The following AGBL4 variants were observed in gnomAD, a reference collection of about 807,000 sequenced individuals.
AGBL4 encodes the protein cytosolic carboxypeptidase 6.
Under a neutral mutation model 66.4 loss-of-function variants are expected in AGBL4, and 58 were observed. The ratio of observed to expected loss-of-function variants is 0.87; its 90% CI spans 0.71 to 1.09. The LOEUF is 1.09. Ranked by LOEUF, AGBL4 falls within the 50% of genes least tolerant of loss-of-function variation. The probability of loss-of-function intolerance (pLI) is 0.00; values close to 1 mark genes in which losing one functional copy is unlikely to be tolerated. For missense variants in AGBL4, 579 were observed against 631.0 expected (o/e 0.92, Z 0.88); for synonymous variants, 234 against 222.9 (o/e 1.05, Z -0.44).
intron 1 of AGBL4, among the ~76,000 whole-genome samples, chr1:49,918,827 A>G (rs1290210579): frequency 1.3e-5 from 2 of 152,224 alleles, no homozygotes; most frequent in Non-Finnish European, 2.9e-5. Context: ...CGATGCAAAA[A>G]TCCTCAATAA....
At chr1:49,216,285 C>T (rs1649082442) in intron 4 of AGBL4, among the ~76,000 whole-genome samples, 1 of 152,080 alleles carries the variant, frequency 6.6e-6, no homozygotes, top group Admixed American at 6.6e-5. Flanking sequence ...AACTTTTAGA[C>T]TCAGAGGGTT....
chr1:49,867,936 T>G (rs1269092323), intron 1 of AGBL4, among the ~76,000 whole-genome samples: 1 of 152,166 alleles, frequency 6.6e-6, no homozygotes, highest in East Asian at 1.9e-4. Flanking sequence ...GCAAGCTGGA[T>G]AGACTCAAGA....
At chr1:49,778,593 T>C (rs985402623) in intron 2 of AGBL4, among the ~76,000 whole-genome samples, 2 of 152,158 alleles carry the variant, frequency 1.3e-5, no homozygotes. Context: ...GGAAGTGTTT[T>C]ATAAGAGTAA....
At chr1:49,723,649 A>G (rs6660206) in intron 2 of AGBL4, among the ~76,000 whole-genome samples, 12,370 of 152,168 alleles carry the variant, frequency 0.081, 709 homozygotes, top group African/African-American at 0.17. Flanking sequence ...CAGTTTTTCC[A>G]AGATTATTTT....
intron 3 of AGBL4, among the ~76,000 whole-genome samples, chr1:49,271,388 T>TA (rs988014191): frequency 4.0e-5 from 6 of 149,850 alleles, no homozygotes; most frequent in Non-Finnish European, 5.9e-5. Flanking sequence ...ACTTTCGATT[T>TA]AAAAAAAAAA....
At chr1:49,096,419 G>A (rs1571436436) in intron 4 of AGBL4, among the ~76,000 whole-genome samples, 1 of 151,876 alleles carries the variant, frequency 6.6e-6, no homozygotes, top group South Asian at 2.1e-4. Flanking sequence ...ATTCACAACA[G>A]CAAAGACTTG....
rs568600283 is a variant in AGBL4 at position 49,167,968 on chromosome 1, T to A, written c.377+77802A>T. On this transcript the variant is annotated intron_variant, in intron 4 of 13. Coordinates refer to ENST00000371839, the MANE Select transcript of AGBL4 (RefSeq NM_032785.4). ...TAATATAATTCTATTAAAAATATAG[T>A]ATAACAACTATTTACATAGCATTCA... Among the ~76,000 whole-genome samples, 242 of 152,294 alleles carry A rather than the reference T, an allele frequency of 1.6e-3. 4 individuals are homozygous for A. The highest frequency in any genetic ancestry group is 5.7e-3 in the African/African-American group (235 of 41,560).
intron 6 of AGBL4, among the ~76,000 whole-genome samples, chr1:48,816,947 C>T (rs964959285): frequency 2.0e-5 from 3 of 151,734 alleles, no homozygotes; most frequent in Admixed American, 2.0e-4. Context: ...AAGGTGGTCA[C>T]GATGAATAGG....
intron 9 of AGBL4, 57 bp from the exon 10 acceptor site, chr1:48,591,042 G>T: frequency 6.7e-7 from 1 of 1,498,598 alleles, no homozygotes; most frequent in Non-Finnish European, 8.9e-7. Context: ...TGTGTATAAG[G>T]GACCAGACAC....
intron 6 of AGBL4, among the ~76,000 whole-genome samples, chr1:48,706,936 T>G (rs1260662205): frequency 1.3e-5 from 2 of 152,154 alleles, no homozygotes; most frequent in Non-Finnish European, 2.9e-5. Flanking sequence ...CGTTCTTGAG[T>G]GAAGCACCCC....
intron 3 of AGBL4, among the ~76,000 whole-genome samples, chr1:49,397,253 C>CAA (rs77923013): frequency 1.4e-5 from 2 of 143,018 alleles, no homozygotes; most frequent in Admixed American, 1.4e-4. Context: ...CCCACTCCAC[C>CAA]AAAAAAAAAA....
At chr1:49,393,518 C>A (rs746478746) in intron 3 of AGBL4, among the ~76,000 whole-genome samples, 5 of 152,150 alleles carry the variant, frequency 3.3e-5, no homozygotes, top group Admixed American at 6.6e-5. Context: ...GGTCTTGCCT[C>A]TAACAGAGCT....
downstream of AGBL4, among the ~76,000 whole-genome samples, chr1:48,532,259 A>G (rs1643910412): frequency 6.6e-6 from 1 of 152,178 alleles, no homozygotes; most frequent in Non-Finnish European, 1.5e-5. Flanking sequence ...AACTTTCATA[A>G]CTATTATAAC....
chr1:49,620,283 C>A (rs917286552), intron 3 of AGBL4, among the ~76,000 whole-genome samples: 2 of 151,996 alleles, frequency 1.3e-5, no homozygotes, highest in African/African-American at 4.8e-5. Context: ...AAAAAACAAA[C>A]CACCCCATCA....
intron 11 of AGBL4, among the ~76,000 whole-genome samples, chr1:48,577,688 G>A (rs987504917): frequency 1.1e-4 from 16 of 139,342 alleles, no homozygotes; most frequent in South Asian, 4.3e-4. Flanking sequence ...CAGCTCAGCC[G>A]GGCACTGCAG....
At chr1:49,900,674 G>C (rs1380201095) in intron 1 of AGBL4, among the ~76,000 whole-genome samples, 1 of 152,182 alleles carries the variant, frequency 6.6e-6, no homozygotes, top group African/African-American at 2.4e-5. Flanking sequence ...CCAAAAAGCA[G>C]TAGAACAGAT....
rs1295444284 is a variant in AGBL4 at position 49,893,706 on chromosome 1, G to C, written c.35-42188C>G. Among the ~76,000 whole-genome samples, 11 of 152,306 alleles carry C rather than the reference G, an allele frequency of 7.2e-5. No homozygotes were observed. In the East Asian group the frequency reaches 2.1e-3, roughly 29 times the overall value. Reference sequence around the variant, plus strand: ...TTTGAGAGCCAGCTCAGCCTCAGTAGAGAGCACCGGTTAGATTTCTAAGGT... The same window carrying C: ...TTTGAGAGCCAGCTCAGCCTCAGTACAGAGCACCGGTTAGATTTCTAAGGT... On this transcript the variant is annotated intron_variant, in intron 1 of 13. Transcript: ENST00000371839.
chr1:48,808,022 G>A (rs765030437), intron 6 of AGBL4, among the ~76,000 whole-genome samples: 4 of 152,100 alleles, frequency 2.6e-5, no homozygotes, highest in African/African-American at 4.8e-5. Flanking sequence ...TAATATATTC[G>A]TTTAGGAGCA....
chr1:49,864,373 T>G (rs1646649970), intron 1 of AGBL4, among the ~76,000 whole-genome samples: 1 of 152,062 alleles, frequency 6.6e-6, no homozygotes, highest in South Asian at 2.1e-4. Flanking sequence ...ATGACTATAG[T>G]CAATAATAAC....
Sources: gnomAD v4.1 joint callset for allele counts (sites outside exome capture counted in the v4.1 genomes callset) on GRCh38, gnomAD v4.1.1 for gene constraint, MANE v1.5 for transcripts, NCBI Gene and HGNC (gene_info 2026-07-23, HGNC 2026-07-21) for gene names.